The following IFI44 variants were observed in gnomAD, a reference collection of about 807,000 sequenced individuals.
The protein encoded by IFI44 is interferon-induced protein 44.
In IFI44, 42 loss-of-function variants were observed where a neutral mutation model predicts 45.0. That is an observed-to-expected ratio of 0.93 (90% CI 0.73 to 1.21). IFI44 has a LOEUF of 1.21. Ranked by LOEUF, IFI44 falls within the 50% of genes most tolerant of loss-of-function variation. IFI44 has a pLI of 0.00. For synonymous variants in IFI44, 221 were observed against 188.6 expected, an observed-to-expected ratio of 1.17 and a Z score of -1.41; for missense variants, 623 against 525.8, an observed-to-expected ratio of 1.18 and a Z score of -1.81.
intron 4 of IFI44, 58 bp from the exon 5 acceptor site, chr1:78,655,304 T>C: frequency 6.4e-7 from 1 of 1,559,074 alleles, no homozygotes; most frequent in Non-Finnish European, 8.7e-7. Flanking sequence ...ACATATAGAC[T>C]TCATCTCAAT....
intron 2 of IFI44, 125 bp downstream of exon 2, chr1:78,650,777 A>C: frequency 1.6e-6 from 1 of 629,722 alleles, no homozygotes; most frequent in Non-Finnish European, 2.8e-6. Flanking sequence ...TTCAGACTGA[A>C]ACCTGGATAC....
At position 78,655,369 on chromosome 1, in the gene IFI44, C is replaced by T. The variant is rs1339100754; in HGVS notation, c.698C>T (p.Thr233Ile). The T allele has an allele frequency of 6.2e-7, 1 of 1,610,724 alleles. No individual in the cohort carries two copies. Among genetic ancestry groups the T allele is most frequent in the Admixed American group, 1.7e-5 (1 of 59,386 alleles). Residue 233 changes from threonine (T) to isoleucine (I), a missense_variant, in exon 5 of 9, where the codon ACA becomes ATA. By Grantham distance (89) the Thr-to-Ile change is moderately conservative. Coordinates refer to ENST00000370747, the MANE Select transcript of IFI44 (RefSeq NM_006417.5). ...CTTTTCTCCCCTCTACAGTATAGGA[C>T]ATACTCTATTAGAGACGGGAAAGAT... ...NTTGISEKYR[T>I]YSIRDGKDGK... is the part of the protein sequence containing the mutation.
intron 5 of IFI44, among the ~76,000 whole-genome samples, chr1:78,658,897 G>A (rs1203460818): frequency 3.3e-5 from 5 of 152,052 alleles, no homozygotes. Context: ...ATTCCCAACA[G>A]AGAAGTGCTA....
Position 78,659,343 on chromosome 1 carries a change from A to G in IFI44, c.872A>G (p.His291Arg), listed in dbSNP as rs751768438. 1.2e-6 allele frequency: 2 copies of G among 1,613,210 alleles called. No homozygotes were observed. Among genetic ancestry groups the G allele is most frequent in the African/African-American group, 1.3e-5 (1 of 75,038 alleles). Reference sequence around the variant, plus strand: ...CCCATGGAATCAATCAAATTAAATCATCATGACTACATTGATTCCCCATCG... The same window carrying G: ...CCCATGGAATCAATCAAATTAAATCGTCATGACTACATTGATTCCCCATCG... ...FNPMESIKLN[H>R]HDYIDSPSLK... The change falls in exon 6 of 9, where the codon CAT becomes CGT. Residue 291 changes from histidine to arginine, a missense_variant. By Grantham distance (29) the His-to-Arg change is conservative. Transcript: ENST00000370747.
At chr1:78,663,267 C>G (rs1647577436) in intron 8 of IFI44, 8 of 985,180 alleles carry the variant, frequency 8.1e-6, no homozygotes, top group Non-Finnish European at 9.6e-6. Context: ...TGATTATTTG[C>G]CCCTTCCTTA....
chr1:78,663,049 C>T (rs1044858267), intron 8 of IFI44, 171 bp downstream of exon 8: 2 of 1,466,478 alleles, frequency 1.4e-6, no homozygotes, highest in African/African-American at 2.9e-5. Flanking sequence ...TTGCATTTCC[C>T]TCTTTTCCTG....
Position 78,660,534 on chromosome 1 carries a change from AAAAATTC to A in IFI44, c.1013-19_1013-13del. On this transcript the variant is annotated splice_polypyrimidine_tract_variant and intron_variant, in intron 6 of 8. Coordinates refer to ENST00000370747, the MANE Select transcript of IFI44 (RefSeq NM_006417.5). ...TACTGATGCTCTCTAAAATGATTTAAAAAATTCTGTTTGGCATAGGTGTGGTACATGT... is the reference window on the plus strand; with the variant it reads ...TACTGATGCTCTCTAAAATGATTTAATGTTTGGCATAGGTGTGGTACATGT... 1 of 1,567,396 alleles carries A rather than the reference AAAAATTC, an allele frequency of 6.4e-7. No homozygotes were observed. Among genetic ancestry groups the A allele is most frequent in the Non-Finnish European group, 8.8e-7 (1 of 1,140,252 alleles).
chr1:78,662,232 T>A (rs1248693837), intron 7 of IFI44, among the ~76,000 whole-genome samples: 1 of 152,174 alleles, frequency 6.6e-6, no homozygotes, highest in East Asian at 1.9e-4. Context: ...GGTACTATCA[T>A]TACTGCATTT....
At chr1:78,651,270 C>A (rs1018070855) in intron 2 of IFI44, among the ~76,000 whole-genome samples, 1 of 152,088 alleles carries the variant, frequency 6.6e-6, no homozygotes, top group Non-Finnish European at 1.5e-5. Flanking sequence ...AGCGGGAACC[C>A]GGAGCTTGTT....
intron 3 of IFI44, among the ~76,000 whole-genome samples, 169 bp from the exon 4 acceptor site, chr1:78,654,845 G>A (rs1349469904): frequency 6.6e-6 from 1 of 151,906 alleles, no homozygotes; most frequent in Non-Finnish European, 1.5e-5. Flanking sequence ...TTTGCCTTTT[G>A]TTCTTTTTGC....
intron 2 of IFI44, among the ~76,000 whole-genome samples, chr1:78,653,192 T>A (rs1647151135): frequency 6.6e-6 from 1 of 152,112 alleles, no homozygotes; most frequent in South Asian, 2.1e-4. Flanking sequence ...TATTCTTTTT[T>A]ATTCTATTTT....
Position 78,659,492 on chromosome 1 carries a change from C to T in IFI44, c.1012+9C>T. The T allele has an allele frequency of 1.2e-6, 2 of 1,606,764 alleles. No individual in the cohort carries two copies. The highest frequency in any genetic ancestry group is 2.2e-5 in the South Asian group (2 of 90,672). ...GGAGTTGGTAAACGCTGGTGAGTCT[C>T]ATTCCACTTTGCTAAGGGTAATACC... On this transcript the variant is annotated intron_variant, in intron 6 of 8. Coordinates refer to ENST00000370747, the MANE Select transcript of IFI44 (RefSeq NM_006417.5).
chr1:78,659,342 C>A lies in IFI44; in HGVS notation c.871C>A (p.His291Asn), dbSNP rs764368239. 2.5e-6 allele frequency: 4 copies of A among 1,612,802 alleles called. 1 individual carries two copies. Among genetic ancestry groups the A allele is most frequent in the South Asian group, 2.2e-5 (2 of 91,026 alleles). ...FNPMESIKLN[H>N]HDYIDSPSLK... The stretch of plus-strand genomic sequence containing the variant: ...TCCCATGGAATCAATCAAATTAAAT[C>A]ATCATGACTACATTGATTCCCCATC... The change falls in exon 6 of 9, where the codon CAT becomes AAT. Residue 291 changes from histidine (H) to asparagine (N), a missense_variant. By Grantham distance (68) the His-to-Asn change is moderately conservative. Coordinates refer to ENST00000370747, the MANE Select transcript of IFI44 (RefSeq NM_006417.5).
intron 8 of IFI44, chr1:78,663,102 T>G (rs1647563226): frequency 6.1e-6 from 6 of 985,322 alleles, no homozygotes; most frequent in Non-Finnish European, 7.2e-6. Context: ...TCCCTTTTTG[T>G]CTTGAGATGA....
At chr1:78,659,553 C>A in intron 6 of IFI44, 70 bp downstream of exon 6, 1 of 1,238,934 alleles carries the variant, frequency 8.1e-7, no homozygotes, top group African/African-American at 1.5e-5. Flanking sequence ...TTTTAGAATG[C>A]TTTTTGGACA....
At chr1:78,662,530 T>C (rs1180300231) in intron 7 of IFI44, 174 bp from the exon 8 acceptor site, 3 of 589,412 alleles carry the variant, frequency 5.1e-6, no homozygotes, top group African/African-American at 3.7e-5. Context: ...TCAGTGACAT[T>C]AGAACTTGAT....
chr1:78,659,754 A>T (rs1198152584), intron 6 of IFI44, among the ~76,000 whole-genome samples: 1 of 152,234 alleles, frequency 6.6e-6, no homozygotes, highest in Non-Finnish European at 1.5e-5. Flanking sequence ...GAATTAAAAC[A>T]AATTAATGCA....
intron 7 of IFI44, among the ~76,000 whole-genome samples, chr1:78,661,510 A>G (rs1647450835): frequency 6.6e-6 from 1 of 152,132 alleles, no homozygotes; most frequent in South Asian, 2.1e-4. Flanking sequence ...ATAAATGTTT[A>G]TTGATATTAT....
chr1:78,662,773 G>T lies in IFI44; in HGVS notation c.1183G>T (p.Glu395Ter), dbSNP rs774996049. The change falls in exon 8 of 9, where the codon GAG becomes TAG. Residue 395 changes from glutamate to a stop codon, truncating the protein, a stop_gained. Transcript: ENST00000370747. LOFTEE classifies it high-confidence loss of function. ...CTCGGTGGTTAGCAATTATTCCTCTGAGTGGGAGCTGGACCCTGTAAAGGA... is the reference window on the plus strand; with the variant it reads ...CTCGGTGGTTAGCAATTATTCCTCTTAGTGGGAGCTGGACCCTGTAAAGGA... ...DISVVSNYSS[E>*]WELDPVKDVL... The T allele has an allele frequency of 6.2e-7, 1 of 1,602,592 alleles. No individual in the cohort carries two copies. Among genetic ancestry groups the T allele is most frequent in the South Asian group, 1.1e-5 (1 of 90,436 alleles).
Sources: gnomAD v4.1 joint callset for allele counts (sites outside exome capture counted in the v4.1 genomes callset) on GRCh38, gnomAD v4.1.1 for gene constraint, MANE v1.5 for transcripts, NCBI Gene and HGNC (gene_info 2026-07-23, HGNC 2026-07-21) for gene names.